WDFY3: variants seen among roughly 807,000 people sequenced by gnomAD.
WDFY3 encodes WD repeat and FYVE domain-containing protein 3.
Under a neutral mutation model 409.6 loss-of-function variants are expected in WDFY3, and 66 were observed. That is an observed-to-expected ratio of 0.16 (90% CI 0.13 to 0.20). The LOEUF (loss-of-function observed/expected upper bound fraction) is 0.20. Ranked by LOEUF, WDFY3 falls within the 10% of genes least tolerant of loss-of-function variation. WDFY3 has a pLI of 1.00. For synonymous variants in WDFY3, 1,521 were observed against 1,537.1 expected (o/e 0.99, Z 0.25); for missense variants, 3,031 against 4,298.1 (o/e 0.71, Z 8.24).
rs1737404305 is a variant in WDFY3, at chr4:84,736,184, T to C, written c.6901A>G (p.Ser2301Gly). ...TAAAAAAGTACCTGGGTGGAAAGACTGTGTTTATTAAGACCACTTTCTTTT... is the reference window on the plus strand; with the variant it reads ...TAAAAAAGTACCTGGGTGGAAAGACCGTGTTTATTAAGACCACTTTCTTTT... ...NRKESGLNKH[S>G]LSTQEISQWM... Residue 2301 changes from serine to glycine, a missense_variant, in exon 42 of 68, where the codon AGT becomes GGT. Around this residue, in one of 16 missense-constraint regions of WDFY3, gnomAD observed 98 missense variants for 194.9 expected, o/e 0.50. Coordinates refer to ENST00000295888, the MANE Select transcript of WDFY3 (RefSeq NM_014991.6). 6.2e-7 allele frequency: 1 copy of C among 1,610,736 alleles called. No homozygotes were observed.
intron 17 of WDFY3, among the ~76,000 whole-genome samples, chr4:84,799,021 C>T (rs1750009135): frequency 6.6e-6 from 1 of 152,218 alleles, no homozygotes; most frequent in South Asian, 2.1e-4. Context: ...CATAAAACTT[C>T]TGACTGCCTA....
At chr4:84,844,050 A>G (rs1300749295) in intron 5 of WDFY3, among the ~76,000 whole-genome samples, 2 of 152,168 alleles carry the variant, frequency 1.3e-5, no homozygotes, top group African/African-American at 4.8e-5. Context: ...TAGAATGAAA[A>G]ACCCAGAAAT....
intron 1 of WDFY3, among the ~76,000 whole-genome samples, chr4:84,963,632 T>G (rs1775221788): frequency 6.6e-6 from 1 of 152,212 alleles, no homozygotes. Context: ...TAAAATCTTA[T>G]GATATTGTAT....
chr4:84,858,049 C>G (rs1366654366), intron 4 of WDFY3, among the ~76,000 whole-genome samples: 1 of 152,164 alleles, frequency 6.6e-6, no homozygotes, highest in Admixed American at 6.5e-5. Context: ...TGCCCCCTTT[C>G]AACTCTTTCT....
rs1740467370 is a variant in WDFY3, at chr4:84,751,262, A to G, written c.5973+221T>C. On this transcript the variant is annotated intron_variant, in intron 36 of 67. Transcript: ENST00000295888. ...TTCGCCAGCTCTTAGAGAAAGGATG[A>G]TAAAGGACTGAATTAGAGACATCCT... The G allele has an allele frequency of 8.6e-6, 5 of 578,678 alleles. No homozygotes were observed. In the South Asian group the frequency reaches 1.0e-4, roughly 12 times the overall value. The allele number at this position is 578,678 out of a possible 1,614,324, so 35.8% of individuals were successfully genotyped here.
At position 84,757,168 on chromosome 4, in the gene WDFY3, G is replaced by C. The variant is rs201432551; in HGVS notation, c.5189-7C>G. ...CTTCTGCCCACGTTGAATCCTAAGA[G>C]AAGAGGAATATAACAGTAAGTGCAA... is the stretch of plus-strand genomic sequence containing the variant. On this transcript the variant is annotated splice_polypyrimidine_tract_variant and splice_region_variant and intron_variant, in intron 32 of 67. Coordinates refer to ENST00000295888, the MANE Select transcript of WDFY3 (RefSeq NM_014991.6). 625 of 1,611,540 alleles carry C rather than the reference G, an allele frequency of 3.9e-4. 4 individuals carry two copies. The highest frequency in any genetic ancestry group is 2.1e-3 in the South Asian group (189 of 91,038).
chr4:84,876,975 A>G (rs1762872945), intron 3 of WDFY3, among the ~76,000 whole-genome samples: 1 of 152,236 alleles, frequency 6.6e-6, no homozygotes, highest in African/African-American at 2.4e-5. Flanking sequence ...TAAATTATCA[A>G]TATCTTGCAT....
chr4:84,940,848 G>C (rs1772020088), intron 1 of WDFY3, among the ~76,000 whole-genome samples: 1 of 151,886 alleles, frequency 6.6e-6, no homozygotes, highest in Non-Finnish European at 1.5e-5. Flanking sequence ...ATTTATCCTG[G>C]AAATGCCAGG....
intron 2 of WDFY3, among the ~76,000 whole-genome samples, chr4:84,901,094 G>A (rs146351811): frequency 1.2e-3 from 183 of 152,284 alleles, no homozygotes; most frequent in African/African-American, 4.0e-3. Flanking sequence ...GGCAGAAGGC[G>A]AAAGGGCAAG....
chr4:84,766,220 G>T (rs773014090), intron 31 of WDFY3, 32 bp downstream of exon 31: 18 of 1,556,008 alleles, frequency 1.2e-5, no homozygotes, highest in Non-Finnish European at 1.6e-5. Flanking sequence ...AGTAGCAACT[G>T]GTATAATCAC....
intron 47 of WDFY3, 104 bp downstream of exon 47, chr4:84,721,305 C>T (rs1734819290): frequency 1.4e-5 from 20 of 1,450,064 alleles, no homozygotes; most frequent in South Asian, 4.0e-5. Flanking sequence ...ATTTTATTAC[C>T]GAGGCTAATG....
Position 84,833,892 on chromosome 4 carries a change from A to G in WDFY3, c.577-2287T>C, listed in dbSNP as rs1756169939. 2.0e-5 allele frequency among the ~76,000 whole-genome samples: 3 copies of G among 152,224 alleles called. No individual in the cohort carries two copies. In the South Asian group the frequency reaches 6.2e-4, roughly 31 times the overall value. ...AGCTGCCAAGTATCAGAAAGGAAAA[A>G]AAGGTTTAAGAATTCATAAAAACAA... On this transcript the variant is annotated intron_variant, in intron 7 of 67. Coordinates refer to ENST00000295888, the MANE Select transcript of WDFY3 (RefSeq NM_014991.6).
chr4:84,885,477 A>G (rs1036029402), intron 3 of WDFY3, among the ~76,000 whole-genome samples: 4 of 152,120 alleles, frequency 2.6e-5, no homozygotes, highest in Admixed American at 2.6e-4. Flanking sequence ...TGGCTTAGAA[A>G]GGAACACTGT....
chr4:84,755,217 C>A (rs779225559), intron 34 of WDFY3, 49 bp downstream of exon 34: 1 of 1,588,728 alleles, frequency 6.3e-7, no homozygotes, highest in African/African-American at 1.4e-5. Context: ...AAAAAAGTAT[C>A]CTAGGCAGGA....
Position 84,702,459 on chromosome 4 carries a change from C to A in WDFY3, c.8490G>T (p.Glu2830Asp). The A allele has an allele frequency of 6.2e-7, 1 of 1,613,622 alleles. No homozygotes were observed. Residue 2830 changes from glutamate to aspartate, a missense_variant, in exon 56 of 68, where the codon GAG (glutamate) becomes GAT (aspartate). By Grantham distance (45) the Glu-to-Asp change is conservative. Coordinates refer to ENST00000295888, the MANE Select transcript of WDFY3 (RefSeq NM_014991.6). ...TGTGCTTTGACGCTGAATACCAGGC[C>A]TCGCGCACACTGTGAAACATCCGGT... ...LADRMFHSVR[E>D]AWYSASKHNM...
At chr4:84,704,963 A>G (rs1355574817) in intron 54 of WDFY3, among the ~76,000 whole-genome samples, 1 of 152,226 alleles carries the variant, frequency 6.6e-6, no homozygotes, top group Non-Finnish European at 1.5e-5. Context: ...CATAAACATT[A>G]AACATAATAA....
intron 2 of WDFY3, among the ~76,000 whole-genome samples, chr4:84,902,567 T>C (rs1307668441): frequency 2.0e-5 from 3 of 152,170 alleles, no homozygotes; most frequent in Non-Finnish European, 1.5e-5. Flanking sequence ...CATTTTTACA[T>C]GGTCATCAAA....
At chr4:84,887,469 T>G (rs1764388755) in intron 3 of WDFY3, among the ~76,000 whole-genome samples, 1 of 152,200 alleles carries the variant, frequency 6.6e-6, no homozygotes, top group African/African-American at 2.4e-5. Context: ...TGAATCATTT[T>G]AAGTCTAAGG....
intron 3 of WDFY3, among the ~76,000 whole-genome samples, chr4:84,892,697 T>C (rs542894878): frequency 6.6e-6 from 1 of 152,314 alleles, no homozygotes; most frequent in East Asian, 1.9e-4. Flanking sequence ...TGTCCAGCAA[T>C]GTTTTAGATG....
Sources: allele counts gnomAD v4.1 joint callset (sites outside exome capture counted in the v4.1 genomes callset), GRCh38; gene constraint gnomAD v4.1.1; regional missense constraint gnomAD v4.1.1; transcripts MANE v1.5; gene names NCBI Gene and HGNC (gene_info 2026-07-23, HGNC 2026-07-21).